The following LRCOL1 variants were observed in gnomAD, a reference collection of about 807,000 sequenced individuals.
LRCOL1 encodes the protein leucine rich colipase like 1, also known as leucine-rich colipase-like protein 1.
Under a neutral mutation model 21.6 loss-of-function variants are expected in LRCOL1, and 21 were observed. The ratio of observed to expected loss-of-function variants is 0.97; its 90% CI spans 0.69 to 1.40. The LOEUF (loss-of-function observed/expected upper bound fraction) is 1.40. Among genes scored for constraint, LRCOL1 ranks in the 40% most tolerant of loss-of-function variants. LRCOL1 has a pLI of 0.00. For missense variants in LRCOL1, 198 were observed against 202.3 expected, an observed-to-expected ratio of 0.98 and a Z score of 0.13; for synonymous variants, 98 against 90.1, an observed-to-expected ratio of 1.09 and a Z score of -0.49.
At chr12:132,604,158 A>ACAGC in intron 5 of LRCOL1, 96 bp downstream of exon 5, 1 of 1,455,838 alleles carries the variant, frequency 6.9e-7, no homozygotes, top group Non-Finnish European at 9.0e-7. Context: ...CCCACCTCTC[A>ACAGC]CAGCCGCGGT....
chr12:132,605,476 C>A (rs1282424294), intron 2 of LRCOL1, among the ~76,000 whole-genome samples: 1 of 152,228 alleles, frequency 6.6e-6, no homozygotes, highest in Non-Finnish European at 1.5e-5. Flanking sequence ...TGCCTGTAAT[C>A]CCAGCACTTT....
At chr12:132,608,242 T>G (rs1235458367) in intron 1 of LRCOL1, among the ~76,000 whole-genome samples, 1 of 152,152 alleles carries the variant, frequency 6.6e-6, no homozygotes, top group African/African-American at 2.4e-5. Flanking sequence ...CCCATGCCCA[T>G]CGCAGGGGCA....
chr12:132,606,317 C>T lies in LRCOL1; in HGVS notation c.-13-53G>A. 1 of 1,476,694 alleles carries T rather than the reference C, an allele frequency of 6.8e-7. No homozygotes were observed. Among genetic ancestry groups the T allele is most frequent in the South Asian group, 1.2e-5 (1 of 81,794 alleles). 91.5% of individuals were successfully genotyped at this position (1,476,694 alleles called of 1,614,324 possible). A position where few individuals can be genotyped will look rare whatever the true frequency, so the allele number is the denominator to read the frequency against. Reference sequence around the variant, plus strand: ...TGTGTCCACGCCAGCCTTGTCCTGCCTGGCACCTGGTGCTGGCCTCCCCAC... The same window carrying T: ...TGTGTCCACGCCAGCCTTGTCCTGCTTGGCACCTGGTGCTGGCCTCCCCAC... On this transcript the variant is annotated intron_variant, in intron 1 of 5. Coordinates refer to ENST00000376608, the MANE Select transcript of LRCOL1 (RefSeq NM_001195520.2). This position sits in a 1 kb window ranked among gnomAD's most constrained non-coding sequence, Gnocchi z 4.6.
At position 132,606,201 on chromosome 12, in the gene LRCOL1, C is replaced by T. The variant is rs1163650897; in HGVS notation, c.51G>A (p.Leu17=). 8 of 1,509,616 alleles carry T rather than the reference C, an allele frequency of 5.3e-6. No individual in the cohort carries two copies. Among genetic ancestry groups the T allele is most frequent in the Non-Finnish European group, 5.3e-6 (6 of 1,124,578 alleles). 93.5% of individuals were successfully genotyped at this position (1,509,616 alleles called of 1,614,324 possible). ...GCCCATACCCTGCCATGGACCCCAG[C>T]AGCAGCAGCAGCAGCAGCAGTAGCA... ...TLLLLLLLLL[L]LGSMAGYGPQ... The change falls in exon 2 of 6, where the codon CTG becomes CTA. Residue 17 remains leucine, a synonymous_variant. Transcript: ENST00000376608. This position sits in a 1 kb window ranked among gnomAD's most constrained non-coding sequence, Gnocchi z 4.6.
At chr12:132,604,426 C>T (rs986279366) in intron 4 of LRCOL1, 36 bp downstream of exon 4, 21 of 1,532,582 alleles carry the variant, frequency 1.4e-5, no homozygotes, top group Non-Finnish European at 1.7e-5. Flanking sequence ...TCTCCGGCTA[C>T]CCCTGCTCCA....
intron 2 of LRCOL1, chr12:132,605,271 G>T: frequency 3.6e-6 from 1 of 278,446 alleles, no homozygotes; most frequent in Non-Finnish European, 5.4e-6. Context: ...CACACGCAAG[G>T]TGCTGCTGTG....
intron 2 of LRCOL1, 89 bp from the exon 3 acceptor site, chr12:132,604,920 C>A (rs572078866): frequency 2.7e-6 from 4 of 1,483,426 alleles, no homozygotes; most frequent in Non-Finnish European, 3.6e-6. Context: ...CTCCTTGGCT[C>A]CCCTGTGTCA....
chr12:132,603,456 G>C (rs903942221), intron 5 of LRCOL1, 52 bp from the exon 6 acceptor site: 1 of 1,535,862 alleles, frequency 6.5e-7, no homozygotes, highest in African/African-American at 1.4e-5. Flanking sequence ...GCCTCGAAGC[G>C]GCCGCGGAAG....
chr12:132,605,027 G>T, intron 2 of LRCOL1, 196 bp from the exon 3 acceptor site: 1 of 1,416,610 alleles, frequency 7.1e-7, no homozygotes, highest in Non-Finnish European at 9.2e-7. Context: ...GGCTGAGAAA[G>T]GGAATGTCTA....
chr12:132,606,213 CAGCAGCAGT>C lies in LRCOL1; in HGVS notation c.30_38del (p.Leu16_Leu18del). 2.0e-6 allele frequency: 3 copies of C among 1,536,748 alleles called. No individual in the cohort carries two copies. Among genetic ancestry groups the C allele is most frequent in the Non-Finnish European group, 2.6e-6 (3 of 1,146,902 alleles). On this transcript the variant is annotated inframe_deletion, in exon 2 of 6. Coordinates refer to ENST00000376608, the MANE Select transcript of LRCOL1 (RefSeq NM_001195520.2). The surrounding 1 kb of genome is among the most constrained non-coding windows in gnomAD (Gnocchi z 4.6). The stretch of plus-strand genomic sequence containing the variant: ...CCATGGACCCCAGCAGCAGCAGCAG[CAGCAGCAGT>C]AGCAGCAGCGTCCACCCCGGGCCGG...
chr12:132,608,991 G>A (rs1006695010), intron 1 of LRCOL1, among the ~76,000 whole-genome samples: 2 of 152,210 alleles, frequency 1.3e-5, no homozygotes. Context: ...TGTCTAACAG[G>A]TCACAGGTCA....
intron 5 of LRCOL1, chr12:132,604,020 G>T: frequency 1.5e-6 from 2 of 1,366,126 alleles, no homozygotes; most frequent in Non-Finnish European, 1.9e-6. Flanking sequence ...GTCTCTGACC[G>T]GGCACCCGTG....
intron 1 of LRCOL1, among the ~76,000 whole-genome samples, chr12:132,607,838 T>C (rs1283634650): frequency 6.7e-6 from 1 of 149,878 alleles, no homozygotes; most frequent in Non-Finnish European, 1.5e-5. Flanking sequence ...TCTCTGTCTC[T>C]TTCTGTCTCT....
At chr12:132,604,643 G>A in intron 3 of LRCOL1, 59 bp from the exon 4 acceptor site, 1 of 1,526,402 alleles carries the variant, frequency 6.6e-7, no homozygotes, top group South Asian at 1.2e-5. Flanking sequence ...GCTCTTCAGG[G>A]GCAGGTAGGA....
intron 5 of LRCOL1, 93 bp from the exon 6 acceptor site, chr12:132,603,497 C>T (rs1351740463): frequency 6.5e-7 from 1 of 1,534,586 alleles, no homozygotes; most frequent in Non-Finnish European, 8.7e-7. Context: ...ACAGCATCTC[C>T]CGGCACCAGC....
At chr12:132,605,132 G>T in intron 2 of LRCOL1, 1 of 1,177,138 alleles carries the variant, frequency 8.5e-7, no homozygotes, top group Non-Finnish European at 1.1e-6. Context: ...CCAGTGCCTG[G>T]CATTTTACAG....
chr12:132,609,793 G>A (rs1033130890), intron 1 of LRCOL1, among the ~76,000 whole-genome samples: 1 of 152,048 alleles, frequency 6.6e-6, no homozygotes, highest in Non-Finnish European at 1.5e-5. Context: ...CCCTGGAGGT[G>A]CTGTTGCCCC....
At position 132,606,312 on chromosome 12, in the gene LRCOL1, C is replaced by G. The variant is rs1248915166; in HGVS notation, c.-13-48G>C. 13 of 1,500,996 alleles carry G rather than the reference C, an allele frequency of 8.7e-6. No individual in the cohort carries two copies. Among genetic ancestry groups the G allele is most frequent in the Non-Finnish European group, 1.2e-5 (13 of 1,117,952 alleles). The allele number at this position is 1,500,996 out of a possible 1,614,324, so 93.0% of individuals were successfully genotyped here. On this transcript the variant is annotated intron_variant, in intron 1 of 5. Transcript: ENST00000376608. The surrounding 1 kb of genome is among the most constrained non-coding windows in gnomAD (Gnocchi z 4.6). ...GGGAGTGTGTCCACGCCAGCCTTGT[C>G]CTGCCTGGCACCTGGTGCTGGCCTC...
Position 132,606,346 on chromosome 12 carries a change from C to T in LRCOL1, c.-13-82G>A. The T allele has an allele frequency of 9.3e-7, 1 of 1,074,934 alleles. No homozygotes were observed. The highest frequency in any genetic ancestry group is 1.3e-6 in the Non-Finnish European group (1 of 748,894). 66.6% of individuals were successfully genotyped at this position (1,074,934 alleles called of 1,614,324 possible). ...CACCTGGTGCTGGCCTCCCCACTCC[C>T]TTCCCATCCCTTCCCGATCCTTTCT... On this transcript the variant is annotated intron_variant, in intron 1 of 5. Coordinates refer to ENST00000376608, the MANE Select transcript of LRCOL1 (RefSeq NM_001195520.2). This position sits in a 1 kb window ranked among gnomAD's most constrained non-coding sequence, Gnocchi z 4.6.
Sources: gnomAD v4.1 joint callset for allele counts (sites outside exome capture counted in the v4.1 genomes callset) on GRCh38, gnomAD v4.1.1 for gene constraint, Gnocchi (gnomAD v3.1) non-coding constraint, MANE v1.5 for transcripts, NCBI Gene and HGNC (gene_info 2026-07-23, HGNC 2026-07-21) for gene names.